Variants in RANBP9 observed in about 807,000 individuals in gnomAD.
RANBP9 encodes RAN binding protein 9, also known as ran-binding protein 9.
Under a neutral mutation model 84.3 loss-of-function variants are expected in RANBP9, and 15 were observed. The ratio of observed to expected loss-of-function variants is 0.18; its 90% CI spans 0.12 to 0.27. The LOEUF (loss-of-function observed/expected upper bound fraction) is 0.27, where lower values mean the gene tolerates loss of function less well. RANBP9 is among the 10% of genes least tolerant of loss of function. The pLI, the probability that RANBP9 is intolerant of heterozygous loss-of-function variation, is 1.00. For missense variants in RANBP9, 809 were observed against 912.8 expected, an observed-to-expected ratio of 0.89 and a Z score of 1.46; for synonymous variants, 392 against 349.6, an observed-to-expected ratio of 1.12 and a Z score of -1.35.
intron 1 of RANBP9, among the ~76,000 whole-genome samples, chr6:13,705,209 G>C (rs1758073171): frequency 6.6e-6 from 1 of 151,672 alleles, no homozygotes; most frequent in Admixed American, 6.6e-5. Context: ...TTCCAGACCA[G>C]CCTGGCCAAC....
At chr6:13,648,916 ATTAG>A (rs1305587867) in intron 5 of RANBP9, among the ~76,000 whole-genome samples, 1 of 152,220 alleles carries the variant, frequency 6.6e-6, no homozygotes, top group Non-Finnish European at 1.5e-5. Context: ...CCCAAACTGA[ATTAG>A]TTATACTTAA....
At chr6:13,650,752 A>G (rs1432783841) in intron 5 of RANBP9, among the ~76,000 whole-genome samples, 1 of 152,124 alleles carries the variant, frequency 6.6e-6, no homozygotes, top group East Asian at 1.9e-4. Flanking sequence ...TATCACATAG[A>G]AAATCATGGG....
chr6:13,664,282 C>T (rs543090463), intron 2 of RANBP9, among the ~76,000 whole-genome samples: 6 of 152,124 alleles, frequency 3.9e-5, no homozygotes, highest in South Asian at 4.1e-4. Context: ...CATAAAACAT[C>T]GAACAAAAGC....
At chr6:13,667,113 G>T (rs550825115) in intron 2 of RANBP9, among the ~76,000 whole-genome samples, 7 of 152,242 alleles carry the variant, frequency 4.6e-5, no homozygotes, top group African/African-American at 1.7e-4. Context: ...TGAACATGAA[G>T]ATTTTTCAGA....
rs559642392 is a variant in RANBP9 at position 13,708,753 on chromosome 6, T to G, written c.571+2182A>C. On this transcript the variant is annotated intron_variant, in intron 1 of 13. Coordinates refer to ENST00000011619, the MANE Select transcript of RANBP9 (RefSeq NM_005493.3). ...ACTGCTACTGCTACTGGGACACAGT[T>G]GCCCACCACAATCGGCGTGGTCCTC... Among the ~76,000 whole-genome samples, 15 of 152,026 alleles carry G rather than the reference T, an allele frequency of 9.9e-5. 1 individual carries two copies. In the East Asian group the frequency reaches 2.9e-3, roughly 30 times the overall value.
At chr6:13,625,501 G>T (rs1414712882) in intron 13 of RANBP9, 152 bp downstream of exon 13, 2 of 452,026 alleles carry the variant, frequency 4.4e-6, no homozygotes, top group Non-Finnish European at 8.0e-6. Context: ...AATTAAAGGA[G>T]GGGGTTTCTA....
Position 13,658,702 on chromosome 6 carries a change from T to G in RANBP9, c.736+78A>C. The stretch of plus-strand genomic sequence containing the variant: ...ACAGAAAATCAGTATCTTTAAATAT[T>G]ACAATTTCTTACTTGAAAAATTTAA... On this transcript the variant is annotated intron_variant, in intron 3 of 13. Transcript: ENST00000011619. 3.4e-6 allele frequency: 4 copies of G among 1,165,862 alleles called. No homozygotes were observed. In the South Asian group the frequency reaches 5.2e-5, roughly 15 times the overall value. 72.2% of individuals were successfully genotyped at this position (1,165,862 alleles called of 1,614,324 possible).
chr6:13,695,402 T>G (rs932028274), intron 2 of RANBP9, among the ~76,000 whole-genome samples: 1 of 41,732 alleles, frequency 2.4e-5, no homozygotes, highest in East Asian at 4.8e-4. Flanking sequence ...CAACCAAATG[T>G]TTTTTTTTTT....
At chr6:13,627,630 CAAAAAA>C (rs35401168) in intron 12 of RANBP9, among the ~76,000 whole-genome samples, 37 of 66,408 alleles carry the variant, frequency 5.6e-4, no homozygotes, top group Non-Finnish European at 9.6e-4. Flanking sequence ...ACTCCATCTC[CAAAAAA>C]AAAAAAAAAA....
rs190297039 is a variant in RANBP9 at position 13,632,343 on chromosome 6, T to C, written c.1947+27A>G. The C allele has an allele frequency of 1.6e-5, 25 of 1,603,110 alleles. No individual in the cohort carries two copies. In the African/African-American group the frequency reaches 2.8e-4, roughly 18 times the overall value. On this transcript the variant is annotated intron_variant, in intron 12 of 13. Transcript: ENST00000011619. ...CATTTTAGTTCCTCTGACATATTCA[T>C]AATTTTTCAAGAAAAAATATATTCA...
rs980771928 is a variant in RANBP9 at position 13,657,101 on chromosome 6, C to G, written c.904+8G>C. ...GGTTATTTTGCATGCAATATATTAT[C>G]TCAGTACCTAAACTATGTCCATTCT... On this transcript the variant is annotated splice_region_variant and intron_variant, in intron 4 of 13. Transcript: ENST00000011619. 1.9e-5 allele frequency: 31 copies of G among 1,596,694 alleles called. No homozygotes were observed. Among genetic ancestry groups the G allele is most frequent in the Middle Eastern group, 1.7e-4 (1 of 6,052 alleles).
At chr6:13,629,911 CTCTCTCTCTCGT>C (rs887531236) in intron 12 of RANBP9, among the ~76,000 whole-genome samples, 15 of 124,954 alleles carry the variant, frequency 1.2e-4, no homozygotes, top group African/African-American at 4.5e-4. Context: ...CTCTCTCTCT[CTCTCTCTCTCGT>C]GTGTGTGTGT....
intron 1 of RANBP9, 139 bp from the exon 2 acceptor site, chr6:13,697,035 C>T (rs892344041): frequency 2.6e-5 from 15 of 567,084 alleles, no homozygotes; most frequent in African/African-American, 7.7e-5. Flanking sequence ...CTCAATAAAA[C>T]GTTTATCATC....
At chr6:13,703,184 A>G (rs547010215) in intron 1 of RANBP9, among the ~76,000 whole-genome samples, 1 of 152,256 alleles carries the variant, frequency 6.6e-6, no homozygotes, top group South Asian at 2.1e-4. Context: ...TCCCGTGCTC[A>G]GCTTCTGTGA....
rs537520529 is a variant in RANBP9 at position 13,696,723 on chromosome 6, T to G, written c.683+62A>C. 204 of 1,383,318 alleles carry G rather than the reference T, an allele frequency of 1.5e-4. 1 individual carries two copies. The highest frequency in any genetic ancestry group is 2.4e-4 in the Admixed American group (12 of 50,284). 85.7% of individuals were successfully genotyped at this position (1,383,318 alleles called of 1,614,324 possible). A position where few individuals can be genotyped will look rare whatever the true frequency, so the allele number is the denominator to read the frequency against. ...GGATTCCAACTTTCCAATTACATCA[T>G]AAACATTATGAACCAAAACAAAAAA... On this transcript the variant is annotated intron_variant, in intron 2 of 13. Transcript: ENST00000011619.
At chr6:13,679,779 T>G (rs1765985901) in intron 2 of RANBP9, among the ~76,000 whole-genome samples, 1 of 152,160 alleles carries the variant, frequency 6.6e-6, no homozygotes, top group Non-Finnish European at 1.5e-5. Context: ...CCAAATGAGA[T>G]GTACCTATAA....
chr6:13,649,461 GAAA>G (rs375894187), intron 5 of RANBP9, among the ~76,000 whole-genome samples: 120 of 92,702 alleles, frequency 1.3e-3, no homozygotes, highest in African/African-American at 4.3e-3. Context: ...TGCCACAACA[GAAA>G]AAAAAAAAAA....
In RANBP9 at chr6:13,692,393, T is replaced by C. The variant is rs570777887; in HGVS notation, c.683+4392A>G. Among the ~76,000 whole-genome samples the C allele has an allele frequency of 1.7e-4, 26 of 151,120 alleles. 1 individual carries two copies. The South Asian group carries it at 4.8e-3, about 28-fold the overall frequency. On this transcript the variant is annotated intron_variant, in intron 2 of 13. Coordinates refer to ENST00000011619, the MANE Select transcript of RANBP9 (RefSeq NM_005493.3). ...AAAGCACAAAATAAGCTGGCCGTGG[T>C]GGCGCATGCCTGTAATCCAGCTACT...
chr6:13,696,734 AACC>A (rs1237909918), intron 2 of RANBP9, 48 bp downstream of exon 2: 1 of 1,468,574 alleles, frequency 6.8e-7, no homozygotes, highest in South Asian at 1.2e-5. Context: ...AAACATTATG[AACC>A]AAAACAAAAA....
Sources: gnomAD v4.1 joint callset for allele counts (sites outside exome capture counted in the v4.1 genomes callset) on GRCh38, gnomAD v4.1.1 for gene constraint, MANE v1.5 for transcripts, NCBI Gene and HGNC (gene_info 2026-07-23, HGNC 2026-07-21) for gene names.